Variants in RNF150 observed in about 807,000 individuals in gnomAD.
RNF150 encodes ring finger protein 150.
A neutral mutation model predicts 39.3 loss-of-function variants in RNF150; 24 were observed. The observed-to-expected ratio is 0.61, with a 90% CI of 0.44 to 0.86. RNF150 has a LOEUF of 0.86. Among genes scored for constraint, RNF150 ranks in the 40% least tolerant of loss-of-function variants. The pLI, the probability that RNF150 is intolerant of heterozygous loss-of-function variation, is 0.00. For missense variants in RNF150, 502 were observed against 587.8 expected, an observed-to-expected ratio of 0.85 and a Z score of 1.51; for synonymous variants, 255 against 227.3, an observed-to-expected ratio of 1.12 and a Z score of -1.10.
intron 1 of RNF150, among the ~76,000 whole-genome samples, chr4:141,105,292 A>G (rs1739159954): frequency 6.6e-6 from 1 of 152,146 alleles, no homozygotes; most frequent in African/African-American, 2.4e-5. Flanking sequence ...AAAACTTCCC[A>G]AATTAGGGGC....
At chr4:140,938,393 T>C (rs1282229611) in intron 4 of RNF150, among the ~76,000 whole-genome samples, 1 of 152,110 alleles carries the variant, frequency 6.6e-6, no homozygotes, top group African/African-American at 2.4e-5. Flanking sequence ...AAAGAGGGAA[T>C]TTCACAAATG....
At chr4:140,884,785 T>C (rs1431756758) in intron 6 of RNF150, among the ~76,000 whole-genome samples, 1 of 152,136 alleles carries the variant, frequency 6.6e-6, no homozygotes, top group Non-Finnish European at 1.5e-5. Flanking sequence ...CCTCCAAAAG[T>C]CAGAATATTA....
intron 5 of RNF150, among the ~76,000 whole-genome samples, chr4:140,922,498 T>C (rs898679589): frequency 6.6e-6 from 1 of 152,018 alleles, no homozygotes; most frequent in African/African-American, 2.4e-5. Context: ...GAACATTCCA[T>C]GCTCATAGAT....
intron 3 of RNF150, among the ~76,000 whole-genome samples, chr4:140,948,398 C>T (rs1732406786): frequency 6.6e-6 from 1 of 151,802 alleles, no homozygotes; most frequent in African/African-American, 2.4e-5. Context: ...AAATCCCTTA[C>T]ATTGCCCCAA....
chr4:141,145,229 T>TGGTGTAGA (rs1727180261), intron 1 of RNF150, among the ~76,000 whole-genome samples: 1 of 152,188 alleles, frequency 6.6e-6, no homozygotes, highest in South Asian at 2.1e-4. Context: ...GCAAATAAGA[T>TGGTGTAGA]GGTGTAGAAT....
chr4:140,949,681 C>A (rs75268947), intron 2 of RNF150, among the ~76,000 whole-genome samples: 5,369 of 120,850 alleles, frequency 0.044, 205 homozygotes, highest in African/African-American at 0.11. Context: ...ACTACCCCCC[C>A]CCAAAAAAAA....
chr4:141,185,538 T>C (rs1727992251), intron 1 of RNF150, among the ~76,000 whole-genome samples: 1 of 152,198 alleles, frequency 6.6e-6, no homozygotes, highest in Non-Finnish European at 1.5e-5. Context: ...TCTTGCCTCA[T>C]TGTCCTGGTC....
chr4:140,991,649 A>C (rs1734201245), intron 1 of RNF150, among the ~76,000 whole-genome samples: 1 of 152,210 alleles, frequency 6.6e-6, no homozygotes, highest in Non-Finnish European at 1.5e-5. Context: ...TCAACCTTAA[A>C]TAGGATTCTA....
At chr4:141,193,142 C>T (rs1310774174) in intron 1 of RNF150, among the ~76,000 whole-genome samples, 1 of 152,194 alleles carries the variant, frequency 6.6e-6, no homozygotes, top group Non-Finnish European at 1.5e-5. Context: ...TTGCCTGTCT[C>T]CCATGTAATG....
intron 1 of RNF150, among the ~76,000 whole-genome samples, chr4:141,039,384 G>A (rs565495327): frequency 7.3e-5 from 11 of 150,960 alleles, no homozygotes; most frequent in African/African-American, 2.7e-4. Flanking sequence ...GAAAGAAAGG[G>A]GAGGGAGGAG....
chr4:140,975,499 T>G (rs1733630376), intron 1 of RNF150, among the ~76,000 whole-genome samples: 1 of 152,210 alleles, frequency 6.6e-6, no homozygotes, highest in South Asian at 2.1e-4. Context: ...ATAAAACAAC[T>G]TCTAGTTCCT....
intron 1 of RNF150, among the ~76,000 whole-genome samples, chr4:141,073,168 A>G (rs912642552): frequency 6.6e-5 from 10 of 152,084 alleles, no homozygotes; most frequent in African/African-American, 2.4e-4. Flanking sequence ...CAATGGAAGA[A>G]GTGGAAATAG....
chr4:141,042,815 C>A (rs887313274), intron 1 of RNF150, among the ~76,000 whole-genome samples: 3 of 151,992 alleles, frequency 2.0e-5, no homozygotes, highest in Admixed American at 1.3e-4. Flanking sequence ...TGATATCTGT[C>A]TTTTTGTCTT....
intron 4 of RNF150, among the ~76,000 whole-genome samples, chr4:140,936,793 T>G (rs1280675669): frequency 6.6e-6 from 1 of 152,166 alleles, no homozygotes; most frequent in Non-Finnish European, 1.5e-5. Flanking sequence ...TTAGGAAACA[T>G]CTTACAATCA....
At chr4:141,064,562 C>G (rs1359393881) in intron 1 of RNF150, among the ~76,000 whole-genome samples, 2 of 152,040 alleles carry the variant, frequency 1.3e-5, no homozygotes, top group African/African-American at 2.4e-5. Flanking sequence ...ATGATCACAC[C>G]TGTAAACAGC....
intron 1 of RNF150, among the ~76,000 whole-genome samples, chr4:141,163,834 C>A (rs1235488006): frequency 4.6e-5 from 7 of 152,122 alleles, no homozygotes; most frequent in Admixed American, 4.6e-4. Flanking sequence ...GTAGGTAAAT[C>A]CACAAAGATG....
intron 1 of RNF150, among the ~76,000 whole-genome samples, chr4:141,206,008 C>A (rs969527398): frequency 1.8e-4 from 28 of 152,154 alleles, no homozygotes; most frequent in African/African-American, 6.8e-4. Flanking sequence ...TTTCCAAATT[C>A]ACTCATGATC....
chr4:141,203,375 C>T (rs1484453462), intron 1 of RNF150, among the ~76,000 whole-genome samples: 1 of 147,352 alleles, frequency 6.8e-6, no homozygotes, highest in East Asian at 2.0e-4. Context: ...ATATATATAT[C>T]TTGGAGATAT....
chr4:141,154,884 G>T (rs1338736738), intron 1 of RNF150, among the ~76,000 whole-genome samples: 1 of 152,120 alleles, frequency 6.6e-6, no homozygotes, highest in East Asian at 1.9e-4. Flanking sequence ...ATGGGTAGAG[G>T]TAATTACCTT....
Sources: gnomAD v4.1 joint callset for allele counts (sites outside exome capture counted in the v4.1 genomes callset) on GRCh38, gnomAD v4.1.1 for gene constraint, MANE v1.5 for transcripts, NCBI Gene and HGNC (gene_info 2026-07-23, HGNC 2026-07-21) for gene names.